Variants in SKIL observed in about 807,000 individuals in gnomAD.
The protein encoded by SKIL is SKI like proto-oncogene.
Under a neutral mutation model 69.6 loss-of-function variants are expected in SKIL, and 20 were observed. The observed-to-expected ratio is 0.29, with a 90% confidence interval of 0.20 to 0.42. The LOEUF (loss-of-function observed/expected upper bound fraction) is 0.42. SKIL is among the 10% of genes least tolerant of loss of function. The pLI is 1.00. For missense variants in SKIL, 745 were observed against 783.1 expected (o/e 0.95, Z 0.58); for synonymous variants, 310 against 279.9 (o/e 1.11, Z -1.08).
At chr3:170,366,696 G>GACAGACACAC (rs1553852252) in intron 2 of SKIL, among the ~76,000 whole-genome samples, 1 of 147,580 alleles carries the variant, frequency 6.8e-6, no homozygotes, top group African/African-American at 2.5e-5. Flanking sequence ...CACACACACA[G>GACAGACACAC]ACACACACAC....
At chr3:170,376,625 G>A (rs1737047964) in intron 2 of SKIL, among the ~76,000 whole-genome samples, 1 of 152,006 alleles carries the variant, frequency 6.6e-6, no homozygotes, top group African/African-American at 2.4e-5. Context: ...ACCCAGGCTG[G>A]AGTGCCATGG....
intron 2 of SKIL, among the ~76,000 whole-genome samples, chr3:170,361,703 C>T (rs968523482): frequency 5.3e-5 from 8 of 151,688 alleles, no homozygotes; most frequent in African/African-American, 1.9e-4. Context: ...AATGACTTTC[C>T]CAAAATTATG....
chr3:170,391,018 T>G lies in SKIL; in HGVS notation c.1672-18T>G. On this transcript the variant is annotated intron_variant, in intron 5 of 6. Transcript: ENST00000259119. ...TGAAAATAAAGTAAAACTTGTATTG[T>G]GATTCTTTACATTACAGGAAGTAAA... The G allele has an allele frequency of 7.6e-7, 1 of 1,307,346 alleles. No individual in the cohort carries two copies. The highest frequency in any genetic ancestry group is 1.3e-5 in the South Asian group (1 of 79,200). 81.0% of individuals were successfully genotyped at this position (1,307,346 alleles called of 1,614,324 possible). A position where few individuals can be genotyped will look rare whatever the true frequency, so the allele number is the denominator to read the frequency against.
intron 3 of SKIL, among the ~76,000 whole-genome samples, chr3:170,382,357 TC>T (rs1293494917): frequency 2.6e-5 from 4 of 152,186 alleles, no homozygotes; most frequent in Non-Finnish European, 5.9e-5. Flanking sequence ...TCCTTTAATT[TC>T]TTACTTTTCT....
intron 2 of SKIL, among the ~76,000 whole-genome samples, chr3:170,364,732 TA>T (rs71176561): frequency 0.045 from 6,697 of 147,368 alleles, 227 homozygotes; most frequent in Non-Finnish European, 0.056. Flanking sequence ...GATAAAGGTT[TA>T]AAAAAAAAAA....
chr3:170,392,392 A>G lies in SKIL; in HGVS notation c.2030A>G (p.Lys677Arg). 6 of 1,611,670 alleles carry G rather than the reference A, an allele frequency of 3.7e-6. No homozygotes were observed. Among genetic ancestry groups the G allele is most frequent in the Non-Finnish European group, 5.1e-6 (6 of 1,178,250 alleles). ...MIKELKLQIL[K>R]SSKTAKE ...AAAGAGCTAAAGCTGCAAATTCTGA[A>G]ATCATCAAAGACTGCTAAAGAATAG... is the stretch of plus-strand genomic sequence containing the variant. The change falls in exon 7 of 7, where the codon AAA becomes AGA. Residue 677 changes from lysine to arginine, a missense_variant. Lys to Arg is a conservative substitution (Grantham distance 26). Transcript: ENST00000259119.
rs1736661638 is a variant in SKIL, at chr3:170,368,770, G to A, written c.1098+7341G>A. ...TAGTTGGATATTTGCTTACTAAAAT[G>A]AAGTGTGCAAGAAGAAAGTGTGAAA... On this transcript the variant is annotated intron_variant, in intron 2 of 6. Coordinates refer to ENST00000259119, the MANE Select transcript of SKIL (RefSeq NM_005414.5). Among the ~76,000 whole-genome samples the A allele has an allele frequency of 2.0e-5, 3 of 152,232 alleles. 1 individual carries two copies. The highest frequency in any genetic ancestry group is 3.4e-3 in the Middle Eastern group (1 of 294).
At chr3:170,368,038 A>C (rs1431503914) in intron 2 of SKIL, among the ~76,000 whole-genome samples, 1 of 152,190 alleles carries the variant, frequency 6.6e-6, no homozygotes. Context: ...GCAAGCTTTT[A>C]ATTATACTTG....
chr3:170,392,486 T>C lies in SKIL; in HGVS notation c.*69T>C, dbSNP rs942168177. 1.3e-5 allele frequency: 13 copies of C among 994,238 alleles called. No individual in the cohort carries two copies. Among genetic ancestry groups the C allele is most frequent in the Non-Finnish European group, 1.7e-5 (12 of 688,446 alleles). 61.6% of individuals were successfully genotyped at this position (994,238 alleles called of 1,614,324 possible). A position where few individuals can be genotyped will look rare whatever the true frequency, so the allele number is the denominator to read the frequency against. ...TTTTGTTTGTTGCTTGCTTTGGTAA[T>C]TGAATTCTGAAGAATTTATCTGCAT... is the stretch of plus-strand genomic sequence containing the variant. On this transcript the variant is annotated 3_prime_UTR_variant, in exon 7 of 7. Transcript: ENST00000259119.
chr3:170,358,536 C>T (rs1736056645), intron 1 of SKIL: 1 of 152,700 alleles, frequency 6.5e-6, no homozygotes, highest in Non-Finnish European at 1.5e-5. Context: ...TAGGTCATGC[C>T]TCTTGCTCTC....
Position 170,391,244 on chromosome 3 carries a change from C to G in SKIL, c.1880C>G (p.Ala627Gly). Residue 627 changes from alanine (A) to glycine (G), a missense_variant, in exon 6 of 7, where the codon GCT becomes GGT. Transcript: ENST00000259119. ...CDSNLEKDKEAEYAGQLAELR... is the reference protein window; with the variant it reads ...CDSNLEKDKEGEYAGQLAELR... ...TCAAATTTAGAAAAAGACAAAGAGG[C>G]TGAATATGCAGGACAGGTAAGAATT... The G allele has an allele frequency of 1.3e-6, 2 of 1,597,674 alleles. No homozygotes were observed. Among genetic ancestry groups the G allele is most frequent in the Non-Finnish European group, 1.7e-6 (2 of 1,166,518 alleles).
chr3:170,370,439 G>GAGCCA (rs1553852883), intron 2 of SKIL, among the ~76,000 whole-genome samples: 1 of 11,194 alleles, frequency 8.9e-5, no homozygotes, highest in Non-Finnish European at 1.7e-4. Flanking sequence ...GAGAGAGAGA[G>GAGCCA]CCCCCCCCCC....
chr3:170,366,672 A>AACACACAC (rs778933453), intron 2 of SKIL, among the ~76,000 whole-genome samples: 15 of 112,376 alleles, frequency 1.3e-4, no homozygotes, highest in Non-Finnish European at 1.7e-4. Flanking sequence ...TCTGTCTCAA[A>AACACACAC]ACACACACAC....
At chr3:170,371,401 G>A (rs924297542) in intron 2 of SKIL, among the ~76,000 whole-genome samples, 2 of 152,116 alleles carry the variant, frequency 1.3e-5, no homozygotes, top group Non-Finnish European at 2.9e-5. Context: ...GAGCTACTTG[G>A]GAGGCTGAGG....
intron 4 of SKIL, among the ~76,000 whole-genome samples, chr3:170,387,932 T>TCAA (rs1737730995): frequency 4.5e-4 from 2 of 4,494 alleles, no homozygotes; most frequent in Middle Eastern, 0.071. Context: ...AGACTCCGTC[T>TCAA]CAAAAAAAAA....
intron 2 of SKIL, among the ~76,000 whole-genome samples, chr3:170,370,441 C>A (rs202243859): frequency 3.8e-4 from 1 of 2,634 alleles, no homozygotes. Context: ...GAGAGAGAGC[C>A]CCCCCCCCCC....
intron 2 of SKIL, among the ~76,000 whole-genome samples, chr3:170,370,241 A>AAAAAT (rs913312933): frequency 1.3e-5 from 2 of 152,158 alleles, no homozygotes; most frequent in Middle Eastern, 3.2e-3. Flanking sequence ...TCCGTCTCAA[A>AAAAAT]AAAATAAAAT....
At position 170,390,517 on chromosome 3, in the gene SKIL, T is replaced by G. The variant is rs1852128; in HGVS notation, c.1671+53T>G. ...ATTATGAAAAGATACTTTTGTATAT[T>G]GCTCTGTCGCCCAGGCTGGAGTGCA... On this transcript the variant is annotated intron_variant, in intron 5 of 6. Coordinates refer to ENST00000259119, the MANE Select transcript of SKIL (RefSeq NM_005414.5). The G allele has an allele frequency of 4.8e-6, 7 of 1,465,858 alleles. No homozygotes were observed. The South Asian group carries it at 8.5e-5, about 18-fold the overall frequency. The allele number at this position is 1,465,858 out of a possible 1,614,324, so 90.8% of individuals were successfully genotyped here.
In SKIL at chr3:170,395,670, T is replaced by C. The variant is rs927920946; in HGVS notation, c.*3253T>C. 2.6e-5 allele frequency: 4 copies of C among 152,120 alleles called. No homozygotes were observed. The highest frequency in any genetic ancestry group is 9.6e-5 in the African/African-American group (4 of 41,468). 9.4% of individuals were successfully genotyped at this position (152,120 alleles called of 1,614,324 possible). On this transcript the variant is annotated 3_prime_UTR_variant, in exon 7 of 7. Coordinates refer to ENST00000259119, the MANE Select transcript of SKIL (RefSeq NM_005414.5). ...TAGTGCTGAAGGATTTTAATCAGCT[T>C]CTAAAATTTTCTTCTCAATAAGGCA...
Sources: allele counts gnomAD v4.1 joint callset (sites outside exome capture counted in the v4.1 genomes callset), GRCh38; gene constraint gnomAD v4.1.1; transcripts MANE v1.5; gene names NCBI Gene and HGNC (gene_info 2026-07-23, HGNC 2026-07-21).